The following PTPN4 variants were observed in gnomAD, a reference collection of about 807,000 sequenced individuals.
The protein encoded by PTPN4 is tyrosine-protein phosphatase non-receptor type 4.
Under a neutral mutation model 135.5 loss-of-function variants are expected in PTPN4, and 49 were observed. The observed-to-expected ratio is 0.36, with a 90% CI of 0.29 to 0.46. PTPN4 has a LOEUF of 0.46. PTPN4 is among the 20% of genes least tolerant of loss of function. PTPN4 has a pLI of 1.00. For synonymous variants in PTPN4, 333 were observed against 369.9 expected, an observed-to-expected ratio of 0.90 and a Z score of 1.14; for missense variants, 860 against 1,101.0, an observed-to-expected ratio of 0.78 and a Z score of 3.10.
chr2:119,949,196 T>C (rs1679177405), intron 18 of PTPN4, among the ~76,000 whole-genome samples: 1 of 152,226 alleles, frequency 6.6e-6, no homozygotes, highest in South Asian at 2.1e-4. Context: ...TAGAACTATG[T>C]TCCATAAATA....
At chr2:119,772,330 T>G (rs1033274598) in intron 1 of PTPN4, among the ~76,000 whole-genome samples, 1 of 152,226 alleles carries the variant, frequency 6.6e-6, no homozygotes, top group Admixed American at 6.5e-5. Flanking sequence ...TTTATGGCTT[T>G]TGATCTGTGT....
intron 14 of PTPN4, among the ~76,000 whole-genome samples, chr2:119,933,045 C>T (rs1311967918): frequency 6.6e-6 from 1 of 152,122 alleles, no homozygotes; most frequent in Non-Finnish European, 1.5e-5. Flanking sequence ...GCTTAGCTCT[C>T]CCTGAGCTAA....
intron 9 of PTPN4, among the ~76,000 whole-genome samples, 171 bp downstream of exon 9, chr2:119,886,053 C>T (rs1263951497): frequency 2.0e-5 from 3 of 152,034 alleles, no homozygotes; most frequent in Non-Finnish European, 4.4e-5. Context: ...ATTCAATTCC[C>T]GAATGTGAAG....
chr2:119,782,363 G>C (rs931707327), intron 1 of PTPN4, among the ~76,000 whole-genome samples: 1 of 152,062 alleles, frequency 6.6e-6, no homozygotes, highest in African/African-American at 2.4e-5. Context: ...AGGTTGCAAC[G>C]AGCCGAGGTC....
chr2:119,808,311 T>C (rs1160556199), intron 1 of PTPN4, among the ~76,000 whole-genome samples: 1 of 152,142 alleles, frequency 6.6e-6, no homozygotes, highest in Non-Finnish European at 1.5e-5. Flanking sequence ...ATGACATGAT[T>C]GTATATATAG....
At chr2:119,780,702 AG>A (rs1690920949) in intron 1 of PTPN4, among the ~76,000 whole-genome samples, 1 of 152,216 alleles carries the variant, frequency 6.6e-6, no homozygotes, top group Admixed American at 6.5e-5. Context: ...CTATGATACC[AG>A]TTTTGGTGAT....
In PTPN4 at chr2:119,845,016, C is replaced by T. The variant is rs1248251122; in HGVS notation, c.139-17520C>T. ...CTGCAATCCCGGCACCTCGGGAGGCCGAGGTTGGCGGATCACTCGCGGTTA... is the reference window on the plus strand; with the variant it reads ...CTGCAATCCCGGCACCTCGGGAGGCTGAGGTTGGCGGATCACTCGCGGTTA... On this transcript the variant is annotated intron_variant, in intron 2 of 26. Transcript: ENST00000263708. Among the ~76,000 whole-genome samples, 16 of 149,704 alleles carry T rather than the reference C, an allele frequency of 1.1e-4. No individual in the cohort carries two copies. In the East Asian group the frequency reaches 1.6e-3, roughly 15 times the overall value.
chr2:119,907,062 T>A (rs1432694506), intron 10 of PTPN4, among the ~76,000 whole-genome samples: 2 of 152,138 alleles, frequency 1.3e-5, no homozygotes, highest in African/African-American at 2.4e-5. Flanking sequence ...TTACAGTACC[T>A]ACCAAATGTT....
chr2:119,860,792 G>A (rs186642707), intron 2 of PTPN4, among the ~76,000 whole-genome samples: 1 of 152,142 alleles, frequency 6.6e-6, no homozygotes, highest in Admixed American at 6.5e-5. Context: ...TGTAATCCCA[G>A]CACTTTGGGA....
intron 2 of PTPN4, among the ~76,000 whole-genome samples, chr2:119,828,170 G>T (rs2104961090): frequency 6.6e-6 from 1 of 152,306 alleles, no homozygotes; most frequent in Admixed American, 6.5e-5. Context: ...CTGGTCATTA[G>T]CTCCAGCTGA....
chr2:119,814,644 A>G (rs1676961502), intron 2 of PTPN4, among the ~76,000 whole-genome samples: 4 of 152,166 alleles, frequency 2.6e-5, no homozygotes, highest in Non-Finnish European at 5.9e-5. Flanking sequence ...TTCTTAGGGT[A>G]GTCTTTTCTT....
Position 119,760,233 on chromosome 2 carries a change from C to T in PTPN4, c.-169C>T, listed in dbSNP as rs968611125. On this transcript the variant is annotated 5_prime_UTR_variant, in exon 1 of 27. Coordinates refer to ENST00000263708, the MANE Select transcript of PTPN4 (RefSeq NM_002830.4). ...GCAGCATGAGGTGGTGCTGGCGGCT[C>T]CGGGTCGTGGCGCGACCGCTGCGGC... 2.3e-5 allele frequency: 9 copies of T among 396,534 alleles called. No individual in the cohort carries two copies. The highest frequency in any genetic ancestry group is 4.0e-5 in the Non-Finnish European group (9 of 224,736). 24.6% of individuals were successfully genotyped at this position (396,534 alleles called of 1,614,324 possible).
intron 9 of PTPN4, 60 bp downstream of exon 9, chr2:119,885,942 T>C (rs1385970747): frequency 4.4e-6 from 5 of 1,135,186 alleles, no homozygotes; most frequent in African/African-American, 1.6e-5. Context: ...CAATATAACA[T>C]TTTTTAAGAT....
At chr2:119,801,947 C>T (rs1691383315) in intron 1 of PTPN4, among the ~76,000 whole-genome samples, 1 of 134,640 alleles carries the variant, frequency 7.4e-6, no homozygotes, top group Non-Finnish European at 1.5e-5. Context: ...CTCACCCAGG[C>T]TGGAGTGCAG....
intron 3 of PTPN4, among the ~76,000 whole-genome samples, chr2:119,875,849 A>C (rs1677975929): frequency 6.6e-6 from 1 of 152,162 alleles, no homozygotes; most frequent in South Asian, 2.1e-4. Flanking sequence ...TGAAGGAGTC[A>C]GACAAAAAAA....
In PTPN4 at chr2:119,962,653, G is replaced by T. The variant is rs1338891696; in HGVS notation, c.2318G>T (p.Ser773Ile). The change falls in exon 24 of 27, where the codon AGT becomes ATT. Residue 773 changes from serine to isoleucine, a missense_variant. Ser to Ile is a moderately radical substitution (Grantham distance 142). Around this residue, in one of 2 missense-constraint regions of PTPN4, gnomAD observed 176 missense variants for 294.1 expected, o/e 0.60. Transcript: ENST00000263708. ...CHQYWPEPTG[S>I]SSYGCYQVTC... Reference sequence around the variant, plus strand: ...CAATATTGGCCAGAACCCACAGGCAGTTCATCTTATGGATGCTACCAAGTT... The same window carrying T: ...CAATATTGGCCAGAACCCACAGGCATTTCATCTTATGGATGCTACCAAGTT... 1 of 1,581,530 alleles carries T rather than the reference G, an allele frequency of 6.3e-7. No individual in the cohort carries two copies. The highest frequency in any genetic ancestry group is 1.3e-5 in the African/African-American group (1 of 74,304).
intron 13 of PTPN4, 153 bp from the exon 14 acceptor site, chr2:119,932,271 G>A (rs1678917958): frequency 4.6e-6 from 3 of 651,122 alleles, no homozygotes; most frequent in Non-Finnish European, 7.3e-6. Flanking sequence ...AAGTTATTTG[G>A]TAAATAGCCT....
chr2:119,772,973 G>A (rs998285284), intron 1 of PTPN4, among the ~76,000 whole-genome samples: 3 of 152,184 alleles, frequency 2.0e-5, no homozygotes, highest in African/African-American at 7.2e-5. Flanking sequence ...AAACACTTCT[G>A]AAAGTGTTTT....
intron 3 of PTPN4, among the ~76,000 whole-genome samples, chr2:119,871,130 A>G (rs1403293041): frequency 1.3e-5 from 2 of 149,764 alleles, no homozygotes; most frequent in African/African-American, 4.9e-5. Context: ...TTCACTGGTT[A>G]ATCAGAGAGA....
Sources: allele counts gnomAD v4.1 joint callset (sites outside exome capture counted in the v4.1 genomes callset), GRCh38; gene constraint gnomAD v4.1.1; regional missense constraint gnomAD v4.1.1; transcripts MANE v1.5; gene names NCBI Gene and HGNC (gene_info 2026-07-23, HGNC 2026-07-21).